TENM3: variants seen among roughly 807,000 people sequenced by gnomAD.
TENM3 encodes the protein teneurin-3.
A neutral mutation model predicts 255.1 loss-of-function variants in TENM3; 63 were observed. That is an observed-to-expected ratio of 0.25 (90% confidence interval 0.20 to 0.30). The LOEUF is 0.30. TENM3 is among the 10% of genes least tolerant of loss of function. The probability of loss-of-function intolerance (pLI) is 1.00; values close to 1 mark genes in which losing one functional copy is unlikely to be tolerated. For synonymous variants in TENM3, 1,306 were observed against 1,322.3 expected (o/e 0.99, Z 0.27); for missense variants, 2,929 against 3,461.1 (o/e 0.85, Z 3.86).
the TENM3 span, among the ~76,000 whole-genome samples, chr4:181,746,801 T>G: frequency 3.3e-5 from 5 of 152,074 alleles, no homozygotes; most frequent in Non-Finnish European, 5.9e-5. Flanking sequence ...GTTTTACACA[T>G]TGCTTCCTCC....
At chr4:182,184,372 A>C (rs1753017029) in intron 1 of TENM3, among the ~76,000 whole-genome samples, 1 of 152,166 alleles carries the variant, frequency 6.6e-6, no homozygotes, top group African/African-American at 2.4e-5. Context: ...AGCAAGATAA[A>C]ATCTTATGAA....
the TENM3 span, among the ~76,000 whole-genome samples, chr4:181,641,577 T>G: frequency 2.4e-5 from 2 of 84,328 alleles, 1 homozygote; most frequent in Admixed American, 2.9e-4. Flanking sequence ...TATATATATA[T>G]ATATATATAT....
At chr4:182,367,911 T>A (rs1561372453) in intron 3 of TENM3, among the ~76,000 whole-genome samples, 1 of 152,170 alleles carries the variant, frequency 6.6e-6, no homozygotes, top group African/African-American at 2.4e-5. Flanking sequence ...CCATCTTTCA[T>A]AAGTCATTTC....
intron 1 of TENM3, among the ~76,000 whole-genome samples, chr4:182,279,417 A>G (rs878888461): frequency 6.6e-6 from 1 of 152,176 alleles, no homozygotes; most frequent in African/African-American, 2.4e-5. Context: ...AAATGCCTGT[A>G]TTGGACATAC....
chr4:182,794,016 ATG>A (rs1766307515), intron 26 of TENM3, 131 bp downstream of exon 26: 3 of 761,120 alleles, frequency 3.9e-6, no homozygotes, highest in South Asian at 4.1e-5. Context: ...AACCTTTTAA[ATG>A]TGTTTATTTC....
chr4:181,577,197 TTA>T, the TENM3 span, among the ~76,000 whole-genome samples: 353 of 126,886 alleles, frequency 2.8e-3, 3 homozygotes, highest in South Asian at 0.016. Context: ...ATTATATATA[TTA>T]TATATATATA....
At chr4:182,148,615 G>C (rs889148609) in intron 1 of TENM3, among the ~76,000 whole-genome samples, 1 of 151,924 alleles carries the variant, frequency 6.6e-6, no homozygotes, top group African/African-American at 2.4e-5. Flanking sequence ...CAGTTTTTCA[G>C]AGATTTCTTA....
At chr4:181,810,995 G>A in the TENM3 span, among the ~76,000 whole-genome samples, 1 of 152,108 alleles carries the variant, frequency 6.6e-6, no homozygotes, top group Non-Finnish European at 1.5e-5. Flanking sequence ...AGAAGAAAAT[G>A]TGTCCAAATT....
At chr4:181,894,948 T>A in the TENM3 span, among the ~76,000 whole-genome samples, 1 of 152,058 alleles carries the variant, frequency 6.6e-6, no homozygotes, top group East Asian at 1.9e-4. Context: ...TTAATTAGGG[T>A]CATTTGTACA....
the TENM3 span, among the ~76,000 whole-genome samples, chr4:181,944,403 G>A: frequency 2.6e-5 from 4 of 152,116 alleles, no homozygotes; most frequent in Non-Finnish European, 4.4e-5. Context: ...GGCCCTCAGC[G>A]AATGGGATGT....
At chr4:182,504,981 G>A (rs1396857058) in intron 3 of TENM3, among the ~76,000 whole-genome samples, 3 of 152,124 alleles carry the variant, frequency 2.0e-5, no homozygotes, top group East Asian at 1.9e-4. Flanking sequence ...TCTTATTCCT[G>A]TTTTTCATAT....
At chr4:181,739,724 G>A in the TENM3 span, among the ~76,000 whole-genome samples, 5 of 152,312 alleles carry the variant, frequency 3.3e-5, no homozygotes, top group South Asian at 2.1e-4. Context: ...TTTGCAGACC[G>A]TCGTACATTT....
rs1272989578 is a variant in TENM3, at chr4:182,799,535, G to C, written c.7345-61G>C. The C allele has an allele frequency of 1.3e-6, 2 of 1,513,508 alleles. No individual in the cohort carries two copies. The highest frequency in any genetic ancestry group is 1.4e-5 in the African/African-American group (1 of 71,398). 93.8% of individuals were successfully genotyped at this position (1,513,508 alleles called of 1,614,324 possible). A position where few individuals can be genotyped will look rare whatever the true frequency, so the allele number is the denominator to read the frequency against. ...GCTGCCCCCAGAGTCCCGTGTGTGG[G>C]TCAGGAGTGGGGAGGCTCCCGGCCG... On this transcript the variant is annotated intron_variant, in intron 27 of 27. Coordinates refer to ENST00000511685, the MANE Select transcript of TENM3 (RefSeq NM_001080477.4). This position sits in a 1 kb window ranked among gnomAD's most constrained non-coding sequence, Gnocchi z 4.2.
chr4:182,064,531 C>T, the TENM3 span, among the ~76,000 whole-genome samples: 46 of 151,800 alleles, frequency 3.0e-4, no homozygotes, highest in Non-Finnish European at 4.4e-5. Context: ...TGCAGTGAGC[C>T]GAGATCGCAC....
At chr4:181,687,713 C>T in the TENM3 span, among the ~76,000 whole-genome samples, 2 of 152,094 alleles carry the variant, frequency 1.3e-5, no homozygotes, top group Non-Finnish European at 1.5e-5. Flanking sequence ...GAAGCCATCA[C>T]CTCTTTTAGG....
the TENM3 span, among the ~76,000 whole-genome samples, chr4:181,702,894 C>T: frequency 0.029 from 4,356 of 152,004 alleles, 180 homozygotes; most frequent in African/African-American, 0.097. Flanking sequence ...CTGACACTTA[C>T]GTAACATATG....
intron 4 of TENM3, among the ~76,000 whole-genome samples, chr4:182,606,158 T>TA (rs1419064814): frequency 6.6e-6 from 1 of 152,194 alleles, no homozygotes; most frequent in Non-Finnish European, 1.5e-5. Context: ...GCTCCTAAAA[T>TA]AATACTTAAA....
At chr4:182,502,936 T>C (rs574544906) in intron 3 of TENM3, among the ~76,000 whole-genome samples, 2 of 145,242 alleles carry the variant, frequency 1.4e-5, no homozygotes, top group South Asian at 2.2e-4. Context: ...TTTTTTTTTT[T>C]ACTTACCTGC....
At chr4:181,684,891 A>G in the TENM3 span, among the ~76,000 whole-genome samples, 1 of 142,236 alleles carries the variant, frequency 7.0e-6, no homozygotes, top group Admixed American at 7.1e-5. Context: ...GATAGCTGGG[A>G]CTACAGGTGT....
Sources: gnomAD v4.1 joint callset for allele counts (sites outside exome capture counted in the v4.1 genomes callset) on GRCh38, gnomAD v4.1.1 for gene constraint, Gnocchi (gnomAD v3.1) non-coding constraint, MANE v1.5 for transcripts, NCBI Gene and HGNC (gene_info 2026-07-23, HGNC 2026-07-21) for gene names.